The following KCNH7 variants were observed in gnomAD, a reference collection of about 807,000 sequenced individuals.
KCNH7 encodes the protein voltage-gated inwardly rectifying potassium channel KCNH7.
Under a neutral mutation model 120.8 loss-of-function variants are expected in KCNH7, and 49 were observed. The ratio of observed to expected loss-of-function variants is 0.41; its 90% CI spans 0.32 to 0.51. The LOEUF is 0.51. Among genes scored for constraint, KCNH7 ranks in the 20% least tolerant of loss-of-function variants. The pLI is 0.38. For synonymous variants in KCNH7, 547 were observed against 516.1 expected (o/e 1.06, Z -0.81); for missense variants, 1,097 against 1,446.6 (o/e 0.76, Z 3.92).
chr2:162,806,841 T>C (rs999769019), intron 2 of KCNH7, among the ~76,000 whole-genome samples: 5 of 151,452 alleles, frequency 3.3e-5, no homozygotes, highest in Non-Finnish European at 7.4e-5. Context: ...TCAAATGGAA[T>C]TTTTTTTTAA....
At chr2:162,424,008 T>G (rs1338341807) in intron 8 of KCNH7, among the ~76,000 whole-genome samples, 1 of 152,174 alleles carries the variant, frequency 6.6e-6, no homozygotes, top group Non-Finnish European at 1.5e-5. Flanking sequence ...AATCTAACCT[T>G]GTAGAATAAA....
intron 2 of KCNH7, among the ~76,000 whole-genome samples, chr2:162,644,717 T>C (rs1016449170): frequency 1.3e-5 from 2 of 152,220 alleles, no homozygotes; most frequent in African/African-American, 4.8e-5. Flanking sequence ...ACCTCTTTGC[T>C]TTGTCTTTTC....
At chr2:162,510,311 T>G (rs1204883514) in intron 5 of KCNH7, among the ~76,000 whole-genome samples, 1 of 151,654 alleles carries the variant, frequency 6.6e-6, no homozygotes, top group Non-Finnish European at 1.5e-5. Context: ...GAGTACCAAT[T>G]TGCTGTCTTT....
chr2:162,504,162 G>A (rs1318151462), intron 6 of KCNH7, among the ~76,000 whole-genome samples: 1 of 152,000 alleles, frequency 6.6e-6, no homozygotes, highest in Non-Finnish European at 1.5e-5. Context: ...AACACTAAGT[G>A]TCCAAACACG....
intron 2 of KCNH7, among the ~76,000 whole-genome samples, chr2:162,734,079 T>A (rs1687818984): frequency 6.6e-6 from 1 of 152,098 alleles, no homozygotes; most frequent in Non-Finnish European, 1.5e-5. Flanking sequence ...GGTCCAAAAT[T>A]TATGTTTTTT....
intron 2 of KCNH7, among the ~76,000 whole-genome samples, chr2:162,824,418 G>A (rs991359998): frequency 6.6e-6 from 1 of 151,990 alleles, no homozygotes; most frequent in Non-Finnish European, 1.5e-5. Flanking sequence ...TTCATTGGGG[G>A]GCAAATTCTG....
At chr2:162,718,667 G>C (rs1250781224) in intron 2 of KCNH7, among the ~76,000 whole-genome samples, 1 of 151,872 alleles carries the variant, frequency 6.6e-6, no homozygotes, top group East Asian at 1.9e-4. Flanking sequence ...CTATTGAATG[G>C]AACAACACTC....
At chr2:162,418,741 TAA>T (rs1687610086) in intron 9 of KCNH7, among the ~76,000 whole-genome samples, 1 of 152,152 alleles carries the variant, frequency 6.6e-6, no homozygotes, top group Non-Finnish European at 1.5e-5. Flanking sequence ...ATAGAGAAAC[TAA>T]AAGAGTTGTG....
chr2:162,381,764 T>C (rs1686426225), intron 13 of KCNH7, among the ~76,000 whole-genome samples: 1 of 152,082 alleles, frequency 6.6e-6, no homozygotes, highest in Non-Finnish European at 1.5e-5. Flanking sequence ...CATGGCAAAA[T>C]ATAAGTGAAC....
intron 2 of KCNH7, among the ~76,000 whole-genome samples, chr2:162,561,217 T>C (rs1409572061): frequency 2.0e-5 from 3 of 152,176 alleles, no homozygotes; most frequent in Non-Finnish European, 4.4e-5. Flanking sequence ...ATGATGCATA[T>C]GCTCCTTTTT....
rs1244962294 is a variant in KCNH7 at position 162,373,544 on chromosome 2, TG to T, written c.3249del (p.Ile1084SerfsTer4). 6.3e-7 allele frequency: 1 copy of T among 1,591,494 alleles called. No homozygotes were observed. The highest frequency in any genetic ancestry group is 8.6e-7 in the Non-Finnish European group (1 of 1,169,038). On this transcript the variant is annotated frameshift_variant, in exon 15 of 16. Coordinates refer to ENST00000332142, the MANE Select transcript of KCNH7 (RefSeq NM_033272.4). LOFTEE classifies it high-confidence loss of function. ...MVTAGSEYQR[P>X]IIQLMRTSQP... ...TGACTGGTTCTCATCAGCTGGATGATGGGTCTCTGATATTCTGATCCTGCTG... is the reference window on the plus strand; with the variant it reads ...TGACTGGTTCTCATCAGCTGGATGATGGTCTCTGATATTCTGATCCTGCTG...
At position 162,371,740 on chromosome 2, in the gene KCNH7, C is replaced by G. The variant is rs1685954395; in HGVS notation, c.*89G>C. 2 of 1,258,668 alleles carry G rather than the reference C, an allele frequency of 1.6e-6. No homozygotes were observed. The highest frequency in any genetic ancestry group is 1.5e-5 in the African/African-American group (1 of 66,344). 78.0% of individuals were successfully genotyped at this position (1,258,668 alleles called of 1,614,324 possible). A position where few individuals can be genotyped will look rare whatever the true frequency, so the allele number is the denominator to read the frequency against. The stretch of plus-strand genomic sequence containing the variant: ...GCATATAATGGTACCTTGTGAGCCC[C>G]TGAGTCAAGTAGAGAGGATTTAAAT... On this transcript the variant is annotated 3_prime_UTR_variant, in exon 16 of 16. Transcript: ENST00000332142.
chr2:162,794,645 G>T (rs541433924), intron 2 of KCNH7, among the ~76,000 whole-genome samples: 1 of 151,792 alleles, frequency 6.6e-6, no homozygotes, highest in African/African-American at 2.4e-5. Flanking sequence ...TATTCCTATT[G>T]CTCATATAGT....
chr2:162,539,641 A>C (rs2105832432), intron 2 of KCNH7, among the ~76,000 whole-genome samples: 1 of 152,138 alleles, frequency 6.6e-6, no homozygotes, highest in East Asian at 1.9e-4. Flanking sequence ...CTTTATATAA[A>C]AGTTCAGCTA....
rs146745623 is a variant in KCNH7 at position 162,655,851 on chromosome 2, C to A, written c.308-118771G>T. Among the ~76,000 whole-genome samples the A allele has an allele frequency of 5.0e-3, 766 of 152,134 alleles. 9 individuals carry two copies. Among genetic ancestry groups the A allele is most frequent in the African/African-American group, 0.018 (729 of 41,520 alleles). Reference sequence around the variant, plus strand: ...CATATTTTGAGATAGCATATCAATTCGTAGCATAGTTCCTGATACATCGAT... The same window carrying A: ...CATATTTTGAGATAGCATATCAATTAGTAGCATAGTTCCTGATACATCGAT... On this transcript the variant is annotated intron_variant, in intron 2 of 15. Coordinates refer to ENST00000332142, the MANE Select transcript of KCNH7 (RefSeq NM_033272.4).
chr2:162,469,592 C>T lies in KCNH7; in HGVS notation c.1129-23149G>A, dbSNP rs148439541. Among the ~76,000 whole-genome samples, 313 of 152,220 alleles carry T rather than the reference C, an allele frequency of 2.1e-3. 5 individuals carry two copies. Among genetic ancestry groups the T allele is most frequent in the East Asian group, 2.5e-3 (13 of 5,168 alleles). On this transcript the variant is annotated intron_variant, in intron 6 of 15. Coordinates refer to ENST00000332142, the MANE Select transcript of KCNH7 (RefSeq NM_033272.4). ...AAGAGTACGTTCCACTATCAAAGCC[C>T]GGTGGGGTGAGAGCTGTGGTCCTCG...
At chr2:162,446,943 T>C (rs1688601026) in intron 6 of KCNH7, among the ~76,000 whole-genome samples, 2 of 152,122 alleles carry the variant, frequency 1.3e-5, no homozygotes, top group Non-Finnish European at 2.9e-5. Context: ...ATTCAAATTT[T>C]AATTAAGCAG....
intron 2 of KCNH7, among the ~76,000 whole-genome samples, chr2:162,800,353 A>G (rs1684298551): frequency 6.6e-6 from 1 of 151,792 alleles, no homozygotes; most frequent in African/African-American, 2.4e-5. Context: ...CCCCACTAAT[A>G]CCTGGGGATT....
At chr2:162,455,249 A>C (rs1688920524) in intron 6 of KCNH7, among the ~76,000 whole-genome samples, 1 of 152,020 alleles carries the variant, frequency 6.6e-6, no homozygotes. Context: ...ATTGATTTTC[A>C]TATGTTGAAC....
Sources: gnomAD v4.1 joint callset for allele counts (sites outside exome capture counted in the v4.1 genomes callset) on GRCh38, gnomAD v4.1.1 for gene constraint, MANE v1.5 for transcripts, NCBI Gene and HGNC (gene_info 2026-07-23, HGNC 2026-07-21) for gene names.